The following EXOSC4 variants were observed in gnomAD, a reference collection of about 807,000 sequenced individuals.
The protein encoded by EXOSC4 is exosome complex component RRP41.
EXOSC4 carries 14 observed loss-of-function variants against 20.0 expected under a neutral mutation model. That is an observed-to-expected ratio of 0.70 (90% CI 0.46 to 1.09). The LOEUF (loss-of-function observed/expected upper bound fraction) is 1.09, where lower values mean the gene tolerates loss of function less well. Ranked by LOEUF, EXOSC4 falls within the 50% of genes least tolerant of loss-of-function variation. The pLI is 0.00. For synonymous variants in EXOSC4, 148 were observed against 146.4 expected (o/e 1.01, Z -0.08); for missense variants, 337 against 334.0 (o/e 1.01, Z -0.07).
upstream of EXOSC4, among the ~76,000 whole-genome samples, chr8:144,076,496 C>T (rs947847908): frequency 6.6e-6 from 1 of 152,126 alleles, no homozygotes; most frequent in Admixed American, 6.5e-5. Context: ...AGCTGGAGTA[C>T]GAGGGTCAGA....
At chr8:144,077,969 T>G, upstream of EXOSC4, 1 of 152,236 alleles carries the variant, frequency 6.6e-6, no homozygotes, top group East Asian at 1.9e-4. Context: ...ACTATCTAGC[T>G]GAGCCTAGAT....
At chr8:144,078,588 G>A (rs1350704742), upstream of EXOSC4, 5 of 938,680 alleles carry the variant, frequency 5.3e-6, no homozygotes, top group Admixed American at 4.2e-5. The surrounding 1 kb of genome is among the most constrained non-coding windows in gnomAD (Gnocchi z 4.7). Flanking sequence ...TCAGGGCCGC[G>A]GAGAGCTGTA....
chr8:144,080,468 A>G lies in EXOSC4; in HGVS notation c.605A>G (p.Asp202Gly). ...GGACAGATTGCGCTGCTTGAGATGGATGCCCGGCTGCACGAGGACCACCTG... is the reference window on the plus strand; with the variant it reads ...GGACAGATTGCGCTGCTTGAGATGGGTGCCCGGCTGCACGAGGACCACCTG... ...ASGQIALLEM[D>G]ARLHEDHLER... The change falls in exon 3 of 3, where the codon GAT (aspartate) becomes GGT (glycine). Residue 202 changes from aspartate (D) to glycine (G), a missense_variant. Asp to Gly is a moderately conservative substitution (Grantham distance 94, BLOSUM62 -1). Coordinates refer to ENST00000316052, the MANE Select transcript of EXOSC4 (RefSeq NM_019037.3). The surrounding 1 kb of genome is among the most constrained non-coding windows in gnomAD (Gnocchi z 4.9). 6.2e-7 allele frequency: 1 copy of G among 1,608,786 alleles called. No individual in the cohort carries two copies. The highest frequency in any genetic ancestry group is 8.5e-7 in the Non-Finnish European group (1 of 1,179,974).
chr8:144,077,299 A>T (rs1554762871), upstream of EXOSC4, among the ~76,000 whole-genome samples: 5 of 152,196 alleles, frequency 3.3e-5, no homozygotes, highest in Non-Finnish European at 7.3e-5. Flanking sequence ...CAGTAAGAAC[A>T]GGGACAGTAA....
At chr8:144,064,238 G>A in the EXOSC4 span, among the ~76,000 whole-genome samples, 3 of 152,240 alleles carry the variant, frequency 2.0e-5, no homozygotes, top group East Asian at 1.9e-4. Context: ...CAGGTGTGTC[G>A]TGGGGGAAGG....
At chr8:144,075,135 T>C (rs1453053741), upstream of EXOSC4, among the ~76,000 whole-genome samples, 1 of 152,180 alleles carries the variant, frequency 6.6e-6, no homozygotes, top group African/African-American at 2.4e-5. Context: ...TGACCACAGC[T>C]TACTGCAGCC....
the EXOSC4 span, among the ~76,000 whole-genome samples, chr8:144,066,136 C>T: frequency 6.6e-6 from 1 of 152,010 alleles, no homozygotes; most frequent in Non-Finnish European, 1.5e-5. Context: ...CCTGCCTCAG[C>T]CTCCCGAGTA....
chr8:144,070,179 G>A, the EXOSC4 span, among the ~76,000 whole-genome samples: 1 of 152,282 alleles, frequency 6.6e-6, no homozygotes, highest in Admixed American at 6.5e-5. Context: ...AACTGCAGCT[G>A]TTGAGTCACA....
chr8:144,078,755 C>A lies in EXOSC4; in HGVS notation c.27C>A (p.Asp9Glu). The A allele has an allele frequency of 1.3e-6, 2 of 1,506,086 alleles. No individual in the cohort carries two copies. Among genetic ancestry groups the A allele is most frequent in the Non-Finnish European group, 1.8e-6 (2 of 1,127,942 alleles). 93.3% of individuals were successfully genotyped at this position (1,506,086 alleles called of 1,614,324 possible). ...TGGCGGGGCTGGAGCTCTTGTCGGA[C>A]CAGGGCTACCGGGTGGACGGGCGGC... MAGLELLS[D>E]QGYRVDGRRA... The change falls in exon 1 of 3, where the codon GAC becomes GAA. Residue 9 changes from aspartate (D) to glutamate (E), a missense_variant. Coordinates refer to ENST00000316052, the MANE Select transcript of EXOSC4 (RefSeq NM_019037.3). The surrounding 1 kb of genome is among the most constrained non-coding windows in gnomAD (Gnocchi z 4.7).
At chr8:144,077,174 G>A (rs1564301183), upstream of EXOSC4, among the ~76,000 whole-genome samples, 1 of 152,172 alleles carries the variant, frequency 6.6e-6, no homozygotes, top group Non-Finnish European at 1.5e-5. Context: ...GAACCCTGGA[G>A]GTGGAGGGTG....
At chr8:144,073,143 TG>T in the EXOSC4 span, among the ~76,000 whole-genome samples, 1 of 152,200 alleles carries the variant, frequency 6.6e-6, no homozygotes, top group East Asian at 1.9e-4. Flanking sequence ...CCCAGCACTT[TG>T]GGAGGCCAAG....
the EXOSC4 span, among the ~76,000 whole-genome samples, chr8:144,066,901 A>C: frequency 6.6e-6 from 1 of 152,156 alleles, no homozygotes; most frequent in South Asian, 2.1e-4. Context: ...CAGCCGGACC[A>C]ACGTGAAGAA....
the EXOSC4 span, among the ~76,000 whole-genome samples, chr8:144,067,920 C>T: frequency 5.9e-5 from 9 of 152,214 alleles, no homozygotes; most frequent in Non-Finnish European, 1.0e-4. Flanking sequence ...GCCGGAGAAT[C>T]GCTTGAACCC....
At position 144,080,120 on chromosome 8, in the gene EXOSC4, C is replaced by T. The variant is rs782445743; in HGVS notation, c.349C>T (p.Pro117Ser). 1 of 1,613,532 alleles carries T rather than the reference C, an allele frequency of 6.2e-7. No homozygotes were observed. The highest frequency in any genetic ancestry group is 1.7e-5 in the Admixed American group (1 of 60,012). The change falls in exon 2 of 3, where the codon CCA becomes TCA. Residue 117 changes from proline to serine, a missense_variant. Coordinates refer to ENST00000316052, the MANE Select transcript of EXOSC4 (RefSeq NM_019037.3). This position sits in a 1 kb window ranked among gnomAD's most constrained non-coding sequence, Gnocchi z 4.9. The part of the protein sequence containing the change: ...FEAAILTQLH[P>S]RSQIDIYVQV... ...AGCAGCCATCCTCACACAGCTGCAC[C>T]CACGCTCCCAGATTGATATCTATGT...
chr8:144,073,592 C>T, the EXOSC4 span, among the ~76,000 whole-genome samples: 3 of 152,122 alleles, frequency 2.0e-5, no homozygotes, highest in South Asian at 4.1e-4. Flanking sequence ...GTGGCTCACA[C>T]CTGTAATCCC....
chr8:144,064,526 A>C, the EXOSC4 span, among the ~76,000 whole-genome samples: 4 of 152,196 alleles, frequency 2.6e-5, no homozygotes, highest in African/African-American at 9.7e-5. Flanking sequence ...ACAGCATGGG[A>C]GGGGGCTGCA....
chr8:144,069,065 G>C, the EXOSC4 span, among the ~76,000 whole-genome samples: 25 of 152,372 alleles, frequency 1.6e-4, no homozygotes, highest in East Asian at 4.8e-3. Context: ...TTAGGAAAAA[G>C]CGGACAGCTG....
Position 144,078,969 on chromosome 8 carries a change from C to T in EXOSC4, c.171+70C>T. ...GCGGGGCAGCCGGGCTGAGCGCTGG[C>T]TCGGGGACTTGAGGGGCAACGGCCG... On this transcript the variant is annotated intron_variant, in intron 1 of 2. Transcript: ENST00000316052. This position sits in a 1 kb window ranked among gnomAD's most constrained non-coding sequence, Gnocchi z 4.7. The T allele has an allele frequency of 7.3e-7, 1 of 1,370,130 alleles. No individual in the cohort carries two copies. The highest frequency in any genetic ancestry group is 9.4e-7 in the Non-Finnish European group (1 of 1,060,780). 84.9% of individuals were successfully genotyped at this position (1,370,130 alleles called of 1,614,324 possible). A position where few individuals can be genotyped will look rare whatever the true frequency, so the allele number is the denominator to read the frequency against.
chr8:144,079,922 C>T (rs977119657), intron 1 of EXOSC4, 21 bp from the exon 2 acceptor site: 4 of 1,612,262 alleles, frequency 2.5e-6, no homozygotes, highest in Non-Finnish European at 2.5e-6. Flanking sequence ...GGGCCTGGCT[C>T]ATGTGTCTGT....
Sources: gnomAD v4.1 joint callset for allele counts (sites outside exome capture counted in the v4.1 genomes callset) on GRCh38, gnomAD v4.1.1 for gene constraint, Gnocchi (gnomAD v3.1) non-coding constraint, MANE v1.5 for transcripts, NCBI Gene and HGNC (gene_info 2026-07-23, HGNC 2026-07-21) for gene names.